The following KIF26B variants were observed in gnomAD, a reference collection of about 807,000 sequenced individuals.
The protein encoded by KIF26B is kinesin family member 26B, also known as kinesin-like protein KIF26B.
In KIF26B, 63 loss-of-function variants were observed where a neutral mutation model predicts 151.2. That is an observed-to-expected ratio of 0.42 (90% CI 0.34 to 0.51). KIF26B has a LOEUF of 0.51. KIF26B is among the 20% of genes least tolerant of loss of function. KIF26B has a pLI of 0.07. For synonymous variants in KIF26B, 1,357 were observed against 1,262.1 expected (o/e 1.08, Z -1.59); for missense variants, 2,813 against 2,913.6 (o/e 0.97, Z 0.79).
chr1:245,226,036 T>G (rs1035621611), intron 2 of KIF26B: 8 of 152,234 alleles, frequency 5.3e-5, no homozygotes, highest in Non-Finnish European at 1.0e-4. Flanking sequence ...GAAATTGTGC[T>G]TAGTGATTGA....
chr1:245,614,353 TAAGTA>T (rs1440902239), intron 9 of KIF26B, among the ~76,000 whole-genome samples: 1 of 152,298 alleles, frequency 6.6e-6, no homozygotes, highest in Admixed American at 6.5e-5. Flanking sequence ...TTTTGTACGT[TAAGTA>T]GAGACGGAGT....
chr1:245,571,881 C>T (rs963724310), intron 5 of KIF26B, among the ~76,000 whole-genome samples: 1 of 152,116 alleles, frequency 6.6e-6, no homozygotes, highest in African/African-American at 2.4e-5. Flanking sequence ...TTGTAAGAGC[C>T]AGCCTTTCAA....
chr1:245,646,014 A>C (rs972751843), intron 9 of KIF26B, 107 bp from the exon 10 acceptor site: 1 of 1,204,420 alleles, frequency 8.3e-7, no homozygotes, highest in African/African-American at 1.5e-5. Context: ...TCAACCTTTT[A>C]CTTCCCCTTC....
intron 4 of KIF26B, among the ~76,000 whole-genome samples, chr1:245,451,380 G>C (rs1659385586): frequency 6.6e-6 from 1 of 151,278 alleles, no homozygotes; most frequent in Non-Finnish European, 1.5e-5. Context: ...AATTTCTGAG[G>C]GTAACAGCCT....
intron 10 of KIF26B, chr1:245,673,765 C>T (rs964849069): frequency 6.6e-6 from 1 of 152,224 alleles, no homozygotes; most frequent in African/African-American, 2.4e-5. Context: ...GAAGGAGACA[C>T]AGGAGGTTCA....
At chr1:245,642,562 GAAAAAAAAAA>G (rs34401122) in intron 9 of KIF26B, among the ~76,000 whole-genome samples, 3,897 of 73,056 alleles carry the variant, frequency 0.053, 84 homozygotes, top group South Asian at 0.095. Flanking sequence ...CTCCGTCTCA[GAAAAAAAAAA>G]AAAAAAAAAA....
chr1:245,648,538 G>A (rs1479457247), intron 10 of KIF26B, among the ~76,000 whole-genome samples: 1 of 152,010 alleles, frequency 6.6e-6, no homozygotes, highest in Non-Finnish European at 1.5e-5. Context: ...GGGAGGCTGA[G>A]GTGGAAGGGT....
chr1:245,697,628 G>A (rs1487542243), intron 12 of KIF26B, among the ~76,000 whole-genome samples: 1 of 152,144 alleles, frequency 6.6e-6, no homozygotes, highest in East Asian at 1.9e-4. Context: ...GTTTAGGGGA[G>A]TAGAGGTGGA....
intron 4 of KIF26B, among the ~76,000 whole-genome samples, chr1:245,423,762 A>G (rs1402237894): frequency 6.6e-6 from 1 of 152,180 alleles, no homozygotes; most frequent in Admixed American, 6.5e-5. Flanking sequence ...TCATCTCCAT[A>G]TAGCGTCGCT....
chr1:245,416,000 C>T (rs1035138175), intron 3 of KIF26B, among the ~76,000 whole-genome samples: 34 of 151,642 alleles, frequency 2.2e-4, no homozygotes, highest in African/African-American at 7.8e-4. Context: ...GGCGCGGTGG[C>T]TCACGCCTGT....
intron 2 of KIF26B, among the ~76,000 whole-genome samples, chr1:245,297,534 A>G (rs1359967649): frequency 1.3e-5 from 2 of 152,212 alleles, no homozygotes; most frequent in Non-Finnish European, 2.9e-5. Flanking sequence ...TGCTGATTCA[A>G]TAAATTTTGC....
chr1:245,253,009 A>AT (rs199535347), intron 2 of KIF26B, among the ~76,000 whole-genome samples: 8,586 of 135,254 alleles, frequency 0.063, 415 homozygotes, highest in African/African-American at 0.12. Flanking sequence ...TTTTTTCTTA[A>AT]TTTTTTTTTT....
chr1:245,425,707 G>GT (rs1020315411), intron 4 of KIF26B, among the ~76,000 whole-genome samples: 2 of 152,156 alleles, frequency 1.3e-5, no homozygotes, highest in African/African-American at 4.8e-5. Flanking sequence ...GCCCAGCTGT[G>GT]TTTTTTTATT....
chr1:245,380,956 A>G (rs1144585), intron 3 of KIF26B, among the ~76,000 whole-genome samples: 59,783 of 118,620 alleles, frequency 0.5, 13,343 homozygotes, highest in Admixed American at 0.57. Context: ...CAAAAAGATG[A>G]AAAAAAAAAA....
intron 2 of KIF26B, among the ~76,000 whole-genome samples, chr1:245,231,046 GA>G (rs1219921429): frequency 2.6e-5 from 4 of 151,800 alleles, no homozygotes; most frequent in Non-Finnish European, 5.9e-5. Context: ...AGATTCTACT[GA>G]AAAAAATTAT....
intron 2 of KIF26B, among the ~76,000 whole-genome samples, chr1:245,224,216 C>T (rs1195073774): frequency 2.7e-5 from 4 of 150,722 alleles, no homozygotes; most frequent in Middle Eastern, 3.5e-3. Context: ...ACCTGGGAGG[C>T]GGAGGTTGCG....
chr1:245,345,261 G>A (rs936064444), intron 2 of KIF26B, among the ~76,000 whole-genome samples: 18 of 152,092 alleles, frequency 1.2e-4, no homozygotes, highest in African/African-American at 4.3e-4. Flanking sequence ...AGTGAAGGTG[G>A]CGCCCCAGAG....
Position 245,155,313 on chromosome 1 carries a change from C to A in KIF26B, c.-112C>A. 2.4e-6 allele frequency: 2 copies of A among 832,180 alleles called. No homozygotes were observed. Among genetic ancestry groups the A allele is most frequent in the South Asian group, 3.1e-5 (2 of 65,106 alleles). 51.5% of individuals were successfully genotyped at this position (832,180 alleles called of 1,614,324 possible). A position where few individuals can be genotyped will look rare whatever the true frequency, so the allele number is the denominator to read the frequency against. ...CCACCCCACCGCTGAAGAAACCTTGCCCTGAGGGCTGAGAGCCAGCCCCCT... is the reference window on the plus strand; with the variant it reads ...CCACCCCACCGCTGAAGAAACCTTGACCTGAGGGCTGAGAGCCAGCCCCCT... On this transcript the variant is annotated 5_prime_UTR_variant, in exon 1 of 15. Transcript: ENST00000407071.
intron 2 of KIF26B, among the ~76,000 whole-genome samples, chr1:245,236,525 G>T (rs1462994982): frequency 1.3e-5 from 2 of 152,120 alleles, no homozygotes; most frequent in Non-Finnish European, 2.9e-5. Context: ...TTATTTAAAA[G>T]AACCTTTAAG....
Sources: gnomAD v4.1 joint callset for allele counts (sites outside exome capture counted in the v4.1 genomes callset) on GRCh38, gnomAD v4.1.1 for gene constraint, MANE v1.5 for transcripts, NCBI Gene and HGNC (gene_info 2026-07-23, HGNC 2026-07-21) for gene names.